The following LRRC4C variants were observed in gnomAD, a reference collection of about 807,000 sequenced individuals.
LRRC4C encodes leucine-rich repeat-containing protein 4C.
In LRRC4C, 5 loss-of-function variants were observed where a neutral mutation model predicts 33.6. The observed-to-expected ratio is 0.15, with a 90% CI of 0.08 to 0.31. LRRC4C has a LOEUF of 0.31. Ranked by LOEUF, LRRC4C falls within the 10% of genes least tolerant of loss-of-function variation. The pLI is 1.00. For missense variants in LRRC4C, 560 were observed against 796.7 expected, an observed-to-expected ratio of 0.70 and a Z score of 3.58; for synonymous variants, 329 against 302.0, an observed-to-expected ratio of 1.09 and a Z score of -0.93.
chr11:41,295,610 T>TC (rs1257092921), intron 1 of LRRC4C, among the ~76,000 whole-genome samples: 1 of 152,164 alleles, frequency 6.6e-6, no homozygotes, highest in African/African-American at 2.4e-5. Context: ...TTTTTTTTTT[T>TC]TTTAATTCTT....
intron 3 of LRRC4C, among the ~76,000 whole-genome samples, chr11:40,614,692 C>T (rs554389963): frequency 9.9e-5 from 15 of 151,644 alleles, no homozygotes; most frequent in Admixed American, 7.9e-4. Context: ...AAGGTGAGAG[C>T]CATGTGAGTC....
At chr11:40,459,373 G>T (rs919849947) in intron 3 of LRRC4C, among the ~76,000 whole-genome samples, 1 of 152,100 alleles carries the variant, frequency 6.6e-6, no homozygotes, top group South Asian at 2.1e-4. Flanking sequence ...AGCAGTGATC[G>T]TCAGCACTCA....
chr11:41,382,545 T>G (rs1953196009), intron 1 of LRRC4C, among the ~76,000 whole-genome samples: 1 of 152,096 alleles, frequency 6.6e-6, no homozygotes, highest in African/African-American at 2.4e-5. Context: ...TAAATATTTT[T>G]AATGAATTAA....
At chr11:40,126,310 AC>A (rs1329617595) in intron 6 of LRRC4C, among the ~76,000 whole-genome samples, 8 of 152,142 alleles carry the variant, frequency 5.3e-5, no homozygotes, top group Admixed American at 1.3e-4. Flanking sequence ...TAATGTTGTC[AC>A]TAGTGTTGTG....
intron 1 of LRRC4C, among the ~76,000 whole-genome samples, chr11:41,390,382 A>G (rs745467345): frequency 6.6e-6 from 1 of 151,806 alleles, no homozygotes; most frequent in Non-Finnish European, 1.5e-5. Context: ...GAAGAGAGGC[A>G]CTGTCTTAAA....
chr11:41,355,201 A>T (rs981676521), intron 1 of LRRC4C, among the ~76,000 whole-genome samples: 1 of 152,094 alleles, frequency 6.6e-6, no homozygotes, highest in Non-Finnish European at 1.5e-5. Flanking sequence ...CATACAAGTG[A>T]CCAAGAACAT....
intron 4 of LRRC4C, among the ~76,000 whole-genome samples, chr11:40,243,458 G>A (rs111598908): frequency 2.7e-5 from 4 of 150,710 alleles, no homozygotes; most frequent in African/African-American, 9.7e-5. Context: ...GAAAACTGAG[G>A]CTACAAAAGA....
At chr11:40,944,916 G>A (rs1373247373) in intron 1 of LRRC4C, among the ~76,000 whole-genome samples, 4 of 151,600 alleles carry the variant, frequency 2.6e-5, no homozygotes, top group Admixed American at 2.0e-4. Context: ...ATTCATTCCA[G>A]CTTAGGTATT....
Position 40,984,893 on chromosome 11 carries a change from C to CTTTTTTTTTTTTTTTTTTTTTTTTTTTTT in LRRC4C, c.-495-51171_-495-51170insAAAAAAAAAAAAAAAAAAAAAAAAAAAAA, listed in dbSNP as rs562785410. Reference sequence around the variant, plus strand: ...CACGACAACTCTGTTCTCACTGACACTTTTTTTTTTTTTTTTTTTTTTTTT... The same window carrying CTTTTTTTTTTTTTTTTTTTTTTTTTTTTT: ...CACGACAACTCTGTTCTCACTGACACTTTTTTTTTTTTTTTTTTTTTTTTTTTTTTTTTTTTTTTTTTTTTTTTTTTTTT... On this transcript the variant is annotated intron_variant, in intron 1 of 6. Coordinates refer to ENST00000528697, the MANE Select transcript of LRRC4C (RefSeq NM_001258419.2). Among the ~76,000 whole-genome samples the CTTTTTTTTTTTTTTTTTTTTTTTTTTTTT allele has an allele frequency of 7.7e-5, 4 of 52,244 alleles. 2 individuals carry two copies. Among genetic ancestry groups the CTTTTTTTTTTTTTTTTTTTTTTTTTTTTT allele is most frequent in the African/African-American group, 2.5e-4 (4 of 15,828 alleles). The allele number at this position is 52,244 out of a possible 152,430, so 34.3% of individuals were successfully genotyped here. A position where few individuals can be genotyped will look rare whatever the true frequency, so the allele number is the denominator to read the frequency against.
intron 5 of LRRC4C, among the ~76,000 whole-genome samples, chr11:40,197,148 T>TTTA (rs1225039882): frequency 1.3e-5 from 2 of 152,186 alleles, no homozygotes; most frequent in African/African-American, 4.8e-5. Flanking sequence ...GATTGAGAAG[T>TTTA]TTATTTCTGC....
chr11:41,229,801 ATTGTTTCC>A (rs1216740579), intron 1 of LRRC4C, among the ~76,000 whole-genome samples: 8 of 152,014 alleles, frequency 5.3e-5, no homozygotes, highest in Non-Finnish European at 8.8e-5. Context: ...GCATTTAATG[ATTGTTTCC>A]CCCTGATAAC....
intron 4 of LRRC4C, among the ~76,000 whole-genome samples, chr11:40,306,015 T>C (rs530646429): frequency 4.6e-4 from 70 of 152,316 alleles, no homozygotes; most frequent in Non-Finnish European, 7.6e-4. Flanking sequence ...ATGTAGCAAA[T>C]GTGACCAACG....
At chr11:40,484,932 C>A (rs80044696) in intron 3 of LRRC4C, among the ~76,000 whole-genome samples, 82 of 152,136 alleles carry the variant, frequency 5.4e-4, no homozygotes, top group African/African-American at 1.9e-3. Flanking sequence ...ATTAGGAGAA[C>A]AGGTTTTTGT....
In LRRC4C at chr11:40,171,745, G is replaced by A. The variant is rs115032498; in HGVS notation, c.-95-30892C>T. ...TAATTTAATCTAATCAGCTGAAGTA[G>A]GTTGCTATTCGTTATAGTATAATTT... On this transcript the variant is annotated intron_variant, in intron 5 of 6. Coordinates refer to ENST00000528697, the MANE Select transcript of LRRC4C (RefSeq NM_001258419.2). Among the ~76,000 whole-genome samples the A allele has an allele frequency of 5.1e-3, 771 of 152,206 alleles. 8 individuals carry two copies. The highest frequency in any genetic ancestry group is 0.018 in the African/African-American group (733 of 41,526).
At chr11:40,949,670 AG>A (rs1424363255) in intron 1 of LRRC4C, among the ~76,000 whole-genome samples, 1 of 152,060 alleles carries the variant, frequency 6.6e-6, no homozygotes, top group Non-Finnish European at 1.5e-5. Flanking sequence ...AAATGCTGAG[AG>A]ATTTTGTCAC....
At chr11:40,506,283 G>A (rs1244295611) in intron 3 of LRRC4C, among the ~76,000 whole-genome samples, 1 of 152,066 alleles carries the variant, frequency 6.6e-6, no homozygotes, top group Non-Finnish European at 1.5e-5. Context: ...CTGTTTCTTT[G>A]CCTTTCCAGT....
At chr11:41,107,654 G>A (rs1186666081) in intron 1 of LRRC4C, among the ~76,000 whole-genome samples, 1 of 152,028 alleles carries the variant, frequency 6.6e-6, no homozygotes, top group Non-Finnish European at 1.5e-5. Flanking sequence ...AAATAAAAAA[G>A]TGACTGGGTG....
intron 1 of LRRC4C, among the ~76,000 whole-genome samples, chr11:41,033,111 G>A (rs1427659548): frequency 6.6e-6 from 1 of 151,714 alleles, no homozygotes; most frequent in Non-Finnish European, 1.5e-5. Flanking sequence ...ATTATCCTAG[G>A]GCCGGAGAAT....
intron 3 of LRRC4C, among the ~76,000 whole-genome samples, chr11:40,580,658 A>T (rs1203895934): frequency 6.6e-6 from 1 of 152,220 alleles, no homozygotes; most frequent in Non-Finnish European, 1.5e-5. Flanking sequence ...TGAAATGCAG[A>T]TGTAGATTCC....
Sources: gnomAD v4.1 joint callset for allele counts (sites outside exome capture counted in the v4.1 genomes callset) on GRCh38, gnomAD v4.1.1 for gene constraint, MANE v1.5 for transcripts, NCBI Gene and HGNC (gene_info 2026-07-23, HGNC 2026-07-21) for gene names.